Variants in DOK5 observed in about 807,000 individuals in gnomAD.
DOK5 encodes the protein downstream of tyrosine kinase 5.
Under a neutral mutation model 43.3 loss-of-function variants are expected in DOK5, and 27 were observed. The ratio of observed to expected loss-of-function variants is 0.62; its 90% confidence interval spans 0.46 to 0.86. The LOEUF (loss-of-function observed/expected upper bound fraction) is 0.86, where lower values mean the gene tolerates loss of function less well. Among genes scored for constraint, DOK5 ranks in the 40% least tolerant of loss-of-function variants. DOK5 has a pLI of 0.00. For missense variants in DOK5, 373 were observed against 392.9 expected, an observed-to-expected ratio of 0.95 and a Z score of 0.43; for synonymous variants, 146 against 140.1, an observed-to-expected ratio of 1.04 and a Z score of -0.30.
intron 2 of DOK5, among the ~76,000 whole-genome samples, chr20:54,582,335 A>G (rs901502010): frequency 6.6e-6 from 1 of 151,780 alleles, no homozygotes; most frequent in African/African-American, 2.4e-5. Context: ...TGTAGTGTCT[A>G]TATCTGGCTT....
chr20:54,582,723 G>C (rs943218353), intron 2 of DOK5, among the ~76,000 whole-genome samples: 3 of 151,398 alleles, frequency 2.0e-5, no homozygotes, highest in African/African-American at 7.3e-5. Context: ...CATTTCTGTG[G>C]CATCAGAAGT....
intron 1 of DOK5, among the ~76,000 whole-genome samples, chr20:54,494,339 C>T (rs1474144475): frequency 6.6e-6 from 1 of 152,204 alleles, no homozygotes; most frequent in Non-Finnish European, 1.5e-5. Flanking sequence ...GGATATTTAG[C>T]CTTTCCTATT....
At position 54,610,457 on chromosome 20, in the gene DOK5, C is replaced by A. The variant is rs751001820; in HGVS notation, c.669C>A (p.Val223=). The change falls in exon 6 of 8, where the codon GTC becomes GTA. Residue 223 remains valine (V), a synonymous_variant. Coordinates refer to ENST00000262593, the MANE Select transcript of DOK5 (RefSeq NM_018431.5). ...ACGGGGAGGCCATCTATCAGAAAGT[C>A]CACTCTGCTGCCTTGGCCATAGCCG... The part of the protein sequence containing the change: ...TRDGEAIYQK[V]HSAALAIAEQ... 1 of 1,593,592 alleles carries A rather than the reference C, an allele frequency of 6.3e-7. No individual in the cohort carries two copies. The highest frequency in any genetic ancestry group is 8.5e-7 in the Non-Finnish European group (1 of 1,170,032).
intron 6 of DOK5, among the ~76,000 whole-genome samples, chr20:54,637,656 G>A (rs1978886226): frequency 6.6e-6 from 1 of 152,186 alleles, no homozygotes; most frequent in South Asian, 2.1e-4. Flanking sequence ...ATTCAGCCTT[G>A]GGCTAACAGT....
rs115838297 is a variant in DOK5, at chr20:54,554,331, T to C, written c.67-602T>C. 7.1e-3 allele frequency among the ~76,000 whole-genome samples: 1,089 copies of C among 152,348 alleles called. 9 individuals carry two copies. The highest frequency in any genetic ancestry group is 0.025 in the African/African-American group (1,030 of 41,568). On this transcript the variant is annotated intron_variant, in intron 1 of 7. Coordinates refer to ENST00000262593, the MANE Select transcript of DOK5 (RefSeq NM_018431.5). ...CAAGTGATTCAACATGGCCAACAAC[T>C]TCTGTTTAAACCTACCAGCATTGAC...
At chr20:54,640,901 A>G (rs1979080553) in intron 6 of DOK5, among the ~76,000 whole-genome samples, 1 of 152,242 alleles carries the variant, frequency 6.6e-6, no homozygotes, top group Admixed American at 6.5e-5. Flanking sequence ...AATGTTACTA[A>G]AAGTCACTGG....
At chr20:54,565,094 C>G (rs1985049485) in intron 2 of DOK5, among the ~76,000 whole-genome samples, 1 of 152,190 alleles carries the variant, frequency 6.6e-6, no homozygotes, top group African/African-American at 2.4e-5. Flanking sequence ...CTCAGAATCA[C>G]ATTTCTTTAG....
At chr20:54,553,675 T>C (rs932137175) in intron 1 of DOK5, among the ~76,000 whole-genome samples, 22 of 150,394 alleles carry the variant, frequency 1.5e-4, no homozygotes, top group African/African-American at 4.9e-4. Flanking sequence ...GGCGGGTGGA[T>C]CATGAGGTGA....
At chr20:54,536,580 A>G (rs183528288) in intron 1 of DOK5, among the ~76,000 whole-genome samples, 15 of 152,308 alleles carry the variant, frequency 9.8e-5, no homozygotes, top group African/African-American at 3.4e-4. Context: ...ATGGAGGTAA[A>G]GAAGCCAACA....
At chr20:54,486,024 C>A (rs1981919777) in intron 1 of DOK5, among the ~76,000 whole-genome samples, 1 of 152,040 alleles carries the variant, frequency 6.6e-6, no homozygotes, top group African/African-American at 2.4e-5. Flanking sequence ...GATATCAATC[C>A]CTTTTAGATA....
intron 1 of DOK5, among the ~76,000 whole-genome samples, chr20:54,501,735 T>A (rs6091903): frequency 0.072 from 11,006 of 152,224 alleles, 1,376 homozygotes; most frequent in African/African-American, 0.25. Context: ...CTCATTTAGG[T>A]ATTTCATTGT....
chr20:54,618,004 T>C (rs1332142837), intron 6 of DOK5, among the ~76,000 whole-genome samples: 1 of 152,192 alleles, frequency 6.6e-6, no homozygotes, highest in Non-Finnish European at 1.5e-5. Context: ...CATTTAAACA[T>C]GTTTATTGAG....
chr20:54,602,085 T>C (rs1201604625), intron 5 of DOK5, among the ~76,000 whole-genome samples: 2 of 152,186 alleles, frequency 1.3e-5, no homozygotes, highest in South Asian at 2.1e-4. Flanking sequence ...GGCAAATATG[T>C]GGCTGTGCCT....
At chr20:54,492,796 G>A (rs1255480218) in intron 1 of DOK5, among the ~76,000 whole-genome samples, 1 of 151,882 alleles carries the variant, frequency 6.6e-6, no homozygotes, top group African/African-American at 2.4e-5. Context: ...GCTCACGCCT[G>A]TAATCCCAAC....
rs536244889 is a variant in DOK5, at chr20:54,568,196, T to C, written c.174+13156T>C. ...ATTCTGAAGAAACACACAATACACATAATGACATAAGAAAAACAAGACAAA... is the reference window on the plus strand; with the variant it reads ...ATTCTGAAGAAACACACAATACACACAATGACATAAGAAAAACAAGACAAA... On this transcript the variant is annotated intron_variant, in intron 2 of 7. Transcript: ENST00000262593. Among the ~76,000 whole-genome samples, 4 of 152,350 alleles carry C rather than the reference T, an allele frequency of 2.6e-5. No homozygotes were observed. In the East Asian group the frequency reaches 7.7e-4, roughly 29 times the overall value.
At chr20:54,550,354 A>G (rs1213068082) in intron 1 of DOK5, among the ~76,000 whole-genome samples, 1 of 152,200 alleles carries the variant, frequency 6.6e-6, no homozygotes, top group East Asian at 1.9e-4. Flanking sequence ...GAAATATTAC[A>G]AAAAGATCCT....
chr20:54,534,747 A>G (rs2146709616), intron 1 of DOK5, among the ~76,000 whole-genome samples: 1 of 152,352 alleles, frequency 6.6e-6, no homozygotes, highest in South Asian at 2.1e-4. Context: ...TCCTTAAAAC[A>G]AACAACAAAA....
intron 2 of DOK5, among the ~76,000 whole-genome samples, chr20:54,559,903 A>C (rs1403405900): frequency 1.3e-5 from 2 of 152,232 alleles, no homozygotes; most frequent in Non-Finnish European, 2.9e-5. Flanking sequence ...ACAACTCTCT[A>C]ACTGTAGAGA....
chr20:54,640,438 A>G (rs1183282870), intron 6 of DOK5, among the ~76,000 whole-genome samples: 1 of 152,224 alleles, frequency 6.6e-6, no homozygotes, highest in African/African-American at 2.4e-5. Context: ...AAACCTGCCT[A>G]CTGGATTCTC....
Sources: allele counts gnomAD v4.1 joint callset (sites outside exome capture counted in the v4.1 genomes callset), GRCh38; gene constraint gnomAD v4.1.1; transcripts MANE v1.5; gene names NCBI Gene and HGNC (gene_info 2026-07-23, HGNC 2026-07-21).